Variants in CLYBL observed in about 807,000 individuals in gnomAD.
The protein encoded by CLYBL is citramalyl-CoA lyase.
Under a neutral mutation model 38.9 loss-of-function variants are expected in CLYBL, and 31 were observed. The observed-to-expected ratio is 0.80, with a 90% CI of 0.60 to 1.08. The LOEUF (loss-of-function observed/expected upper bound fraction) is 1.08, where lower values mean the gene tolerates loss of function less well. CLYBL is among the 50% of genes least tolerant of loss of function. The pLI, the probability that CLYBL is intolerant of heterozygous loss-of-function variation, is 0.00. For missense variants in CLYBL, 434 were observed against 411.6 expected, an observed-to-expected ratio of 1.05 and a Z score of -0.47; for synonymous variants, 171 against 158.6, an observed-to-expected ratio of 1.08 and a Z score of -0.59.
chr13:99,678,634 AT>A (rs1305452606), intron 1 of CLYBL, among the ~76,000 whole-genome samples: 1 of 152,264 alleles, frequency 6.6e-6, no homozygotes, highest in African/African-American at 2.4e-5. Context: ...ACACCAACAA[AT>A]TGTTAATTAT....
intron 2 of CLYBL, among the ~76,000 whole-genome samples, chr13:99,842,213 C>G (rs184330552): frequency 6.6e-6 from 1 of 152,228 alleles, no homozygotes; most frequent in Non-Finnish European, 1.5e-5. Flanking sequence ...CAGTAATAAA[C>G]CGAGGGGAAT....
chr13:99,858,926 T>A lies in CLYBL; in HGVS notation c.315T>A (p.Cys105Ter), dbSNP rs773521724. Residue 105 changes from cysteine (C) to a stop codon, truncating the protein, a stop_gained, in exon 3 of 9, where the codon TGT becomes TGA. Coordinates refer to ENST00000339105, the MANE Select transcript of CLYBL (RefSeq NM_206808.5). LOFTEE classifies it high-confidence loss of function. ...EDIDLGPTEKCVRVNSVSSGL... is the reference protein window; with the variant it reads ...EDIDLGPTEK ...TTGATCTGGGCCCTACTGAAAAATG[T>A]GTGAGAGTCAACTCAGTTTCCAGTG... 6.2e-7 allele frequency: 1 copy of A among 1,614,022 alleles called. No individual in the cohort carries two copies. The highest frequency in any genetic ancestry group is 8.5e-7 in the Non-Finnish European group (1 of 1,179,926).
chr13:99,881,279 T>A (rs575121734), intron 7 of CLYBL, among the ~76,000 whole-genome samples: 1 of 152,214 alleles, frequency 6.6e-6, no homozygotes, highest in South Asian at 2.1e-4. Flanking sequence ...TATCTGGCAA[T>A]AGGAACGAAT....
At chr13:99,836,419 T>C (rs2050936045) in intron 2 of CLYBL, among the ~76,000 whole-genome samples, 1 of 152,092 alleles carries the variant, frequency 6.6e-6, no homozygotes, top group African/African-American at 2.4e-5. Flanking sequence ...GTGAGGGAAT[T>C]TGTAACCTTC....
chr13:99,804,613 C>A (rs186249579), intron 2 of CLYBL, among the ~76,000 whole-genome samples: 1 of 152,262 alleles, frequency 6.6e-6, no homozygotes, highest in East Asian at 1.9e-4. Flanking sequence ...GCCTTTATAC[C>A]TGAAATGTTC....
chr13:99,907,967 G>A (rs1448484801), intron 9 of CLYBL, among the ~76,000 whole-genome samples: 1 of 152,162 alleles, frequency 6.6e-6, no homozygotes, highest in Non-Finnish European at 1.5e-5. Flanking sequence ...CTCTCATCCC[G>A]GGGAGGACGG....
At chr13:99,644,972 A>G (rs552269891) in intron 1 of CLYBL, among the ~76,000 whole-genome samples, 4 of 152,326 alleles carry the variant, frequency 2.6e-5, no homozygotes, top group South Asian at 4.1e-4. Context: ...TACTGCTGCA[A>G]TAAACATGGG....
chr13:99,769,572 A>G (rs953700482), intron 1 of CLYBL, among the ~76,000 whole-genome samples: 1 of 152,208 alleles, frequency 6.6e-6, no homozygotes, highest in African/African-American at 2.4e-5. Flanking sequence ...TTACATCATT[A>G]TGTTTTTTCC....
At chr13:99,819,598 C>T (rs1469134633) in intron 2 of CLYBL, among the ~76,000 whole-genome samples, 6 of 151,016 alleles carry the variant, frequency 4.0e-5, no homozygotes, top group East Asian at 3.9e-4. Context: ...TGTCTGCAAA[C>T]GGAAGACCTA....
intron 2 of CLYBL, among the ~76,000 whole-genome samples, chr13:99,787,582 A>G (rs1156359241): frequency 3.9e-5 from 6 of 152,204 alleles, no homozygotes; most frequent in Admixed American, 6.5e-5. Flanking sequence ...TACCAGTACC[A>G]TGCTGTTTTG....
chr13:99,902,921 C>G (rs890619327), intron 8 of CLYBL, among the ~76,000 whole-genome samples: 1 of 152,222 alleles, frequency 6.6e-6, no homozygotes, highest in Admixed American at 6.5e-5. Flanking sequence ...TCAAAACTTT[C>G]AAATAAATAT....
intron 1 of CLYBL, among the ~76,000 whole-genome samples, chr13:99,620,829 AAAG>A (rs2046783646): frequency 8.4e-6 from 1 of 119,670 alleles, no homozygotes; most frequent in Non-Finnish European, 1.8e-5. Context: ...AGAGAGAAAG[AAAG>A]AAAGAAAAAG....
chr13:99,880,145 G>A (rs932872602), intron 7 of CLYBL, among the ~76,000 whole-genome samples: 3 of 143,874 alleles, frequency 2.1e-5, no homozygotes, highest in African/African-American at 5.3e-5. Context: ...TTGGCTCACT[G>A]CAACCTCTGC....
chr13:99,866,141 G>A (rs1327061806), intron 5 of CLYBL, 99 bp from the exon 6 acceptor site: 16 of 1,164,024 alleles, frequency 1.4e-5, no homozygotes, highest in Non-Finnish European at 2.0e-5. Context: ...AATTTCCAGG[G>A]AGGTTTAGAT....
In CLYBL at chr13:99,903,417, C is replaced by T. The variant is rs1003762518; in HGVS notation, c.*25-1853C>T. On this transcript the variant is annotated intron_variant and NMD_transcript_variant, in intron 8 of 9. Transcript: ENST00000689673. ...TGACACACACATACACTCACACACT[C>T]GCACACGCACACACACATGCACACA... Among the ~76,000 whole-genome samples, 10 of 129,778 alleles carry T rather than the reference C, an allele frequency of 7.7e-5. No homozygotes were observed. In the South Asian group the frequency reaches 1.6e-3, roughly 20 times the overall value. 85.1% of individuals were successfully genotyped at this position (129,778 alleles called of 152,430 possible).
intron 1 of CLYBL, among the ~76,000 whole-genome samples, chr13:99,740,594 A>G (rs956625624): frequency 6.6e-6 from 1 of 152,232 alleles, no homozygotes; most frequent in African/African-American, 2.4e-5. Context: ...AGAAGGTATC[A>G]TTAGCGACTT....
rs745837149 is a variant in CLYBL at position 99,864,923 on chromosome 13, A to ATC, written c.634+24_634+25dup. 47 of 1,555,182 alleles carry ATC rather than the reference A, an allele frequency of 3.0e-5. No individual in the cohort carries two copies. The Admixed American group carries it at 5.9e-4, about 20-fold the overall frequency. On this transcript the variant is annotated intron_variant, in intron 5 of 8. Transcript: ENST00000339105. ...TCGAGCCAGCATAGGTGTCAAAGAC[A>ATC]TCTCTCTCTCTCTTTTTCTGTGTGT...
chr13:99,715,061 T>G (rs569344595), intron 1 of CLYBL, among the ~76,000 whole-genome samples: 1 of 152,200 alleles, frequency 6.6e-6, no homozygotes, highest in Non-Finnish European at 1.5e-5. Flanking sequence ...GCCCACCAGC[T>G]TCACCAGAGG....
intron 2 of CLYBL, among the ~76,000 whole-genome samples, chr13:99,840,188 G>A (rs576041964): frequency 3.8e-4 from 58 of 151,252 alleles, no homozygotes; most frequent in Non-Finnish European, 6.8e-4. Context: ...AGGAGACCTC[G>A]GGAACTCTGT....
Sources: gnomAD v4.1 joint callset for allele counts (sites outside exome capture counted in the v4.1 genomes callset) on GRCh38, gnomAD v4.1.1 for gene constraint, MANE v1.5 for transcripts, NCBI Gene and HGNC (gene_info 2026-07-23, HGNC 2026-07-21) for gene names.